The following RASGRF2 variants were observed in gnomAD, a reference collection of about 807,000 sequenced individuals.
RASGRF2 encodes the protein ras-specific guanine nucleotide-releasing factor 2.
A neutral mutation model predicts 151.0 loss-of-function variants in RASGRF2; 76 were observed. That is an observed-to-expected ratio of 0.50 (90% confidence interval 0.42 to 0.61). The LOEUF (loss-of-function observed/expected upper bound fraction) is 0.61. Among genes scored for constraint, RASGRF2 ranks in the 20% least tolerant of loss-of-function variants. The pLI is 0.00. For missense variants in RASGRF2, 1,148 were observed against 1,564.6 expected, an observed-to-expected ratio of 0.73 and a Z score of 4.49; for synonymous variants, 504 against 566.5, an observed-to-expected ratio of 0.89 and a Z score of 1.57.
At chr5:80,994,153 C>T (rs1748746358) in intron 1 of RASGRF2, among the ~76,000 whole-genome samples, 1 of 151,930 alleles carries the variant, frequency 6.6e-6, no homozygotes. Flanking sequence ...ATCACGAGGT[C>T]AGGAGATCGA....
At chr5:81,134,118 A>C (rs1246535238) in intron 17 of RASGRF2, among the ~76,000 whole-genome samples, 1 of 75,912 alleles carries the variant, frequency 1.3e-5, no homozygotes. Flanking sequence ...GTGAGTGAAT[A>C]TTTTACTGAG....
At chr5:81,114,941 G>A (rs141886244) in intron 15 of RASGRF2, 349 of 152,314 alleles carry the variant, frequency 2.3e-3, no homozygotes, top group African/African-American at 7.9e-3. Flanking sequence ...TCTCAGCTTG[G>A]TACGGTGTAG....
chr5:81,058,921 C>T (rs1247234090), intron 2 of RASGRF2, among the ~76,000 whole-genome samples: 1 of 151,528 alleles, frequency 6.6e-6, no homozygotes. Context: ...TTGACAATGA[C>T]ATTGAATCAT....
chr5:81,010,746 C>T (rs1362658085), intron 1 of RASGRF2, among the ~76,000 whole-genome samples: 1 of 151,726 alleles, frequency 6.6e-6, no homozygotes, highest in Non-Finnish European at 1.5e-5. Flanking sequence ...GAAAGAGGCC[C>T]AGCAAAACCA....
chr5:81,132,062 GT>G (rs1192271207), intron 17 of RASGRF2, among the ~76,000 whole-genome samples: 9 of 151,974 alleles, frequency 5.9e-5, no homozygotes, highest in African/African-American at 1.9e-4. Context: ...TCCTTGCTTT[GT>G]TTTTTTCCTC....
intron 10 of RASGRF2, among the ~76,000 whole-genome samples, 170 bp downstream of exon 10, chr5:81,093,131 AT>A (rs1481269882): frequency 2.0e-5 from 3 of 152,240 alleles, no homozygotes; most frequent in African/African-American, 4.8e-5. Flanking sequence ...ATTCGTTGTC[AT>A]TTAAATTCAA....
At chr5:81,196,419 T>C (rs977755761) in intron 18 of RASGRF2, among the ~76,000 whole-genome samples, 3 of 152,258 alleles carry the variant, frequency 2.0e-5, no homozygotes, top group African/African-American at 7.2e-5. Flanking sequence ...CTGATTTATA[T>C]CATCAGCAGC....
rs989594549 is a variant in RASGRF2 at position 81,228,342 on chromosome 5, G to A, written c.*2572G>A. 1.3e-5 allele frequency: 2 copies of A among 152,334 alleles called. No individual in the cohort carries two copies. The highest frequency in any genetic ancestry group is 4.1e-4 in the South Asian group (2 of 4,830). The allele number at this position is 152,334 out of a possible 1,614,324, so 9.4% of individuals were successfully genotyped here. A position where few individuals can be genotyped will look rare whatever the true frequency, so the allele number is the denominator to read the frequency against. The stretch of plus-strand genomic sequence containing the variant: ...TCTGTTGATGACCTGCACTATTCGT[G>A]TGCCAGCTGGGAGAGGAATGCACAT... On this transcript the variant is annotated 3_prime_UTR_variant, in exon 27 of 27. Coordinates refer to ENST00000265080, the MANE Select transcript of RASGRF2 (RefSeq NM_006909.3).
At position 81,226,564 on chromosome 5, in the gene RASGRF2, A is replaced by G. The variant is rs1388163164; in HGVS notation, c.*794A>G. 6.6e-6 allele frequency: 1 copy of G among 152,162 alleles called. No homozygotes were observed. Among genetic ancestry groups the G allele is most frequent in the Non-Finnish European group, 1.5e-5 (1 of 68,036 alleles). 9.4% of individuals were successfully genotyped at this position (152,162 alleles called of 1,614,324 possible). On this transcript the variant is annotated 3_prime_UTR_variant, in exon 27 of 27. Coordinates refer to ENST00000265080, the MANE Select transcript of RASGRF2 (RefSeq NM_006909.3). ...GGCAGCTGCAAAAAGGTGCACGCCC[A>G]TCTCACCGACAAAACTGTGGAACAG...
intron 1 of RASGRF2, among the ~76,000 whole-genome samples, chr5:80,974,393 C>T (rs1306134012): frequency 6.6e-6 from 1 of 152,242 alleles, no homozygotes; most frequent in Non-Finnish European, 1.5e-5. Context: ...GCACAGCTGA[C>T]ACTGAAGCTG....
intron 26 of RASGRF2, among the ~76,000 whole-genome samples, 173 bp from the exon 27 acceptor site, chr5:81,225,505 A>T (rs921303380): frequency 7.1e-6 from 1 of 141,098 alleles, no homozygotes; most frequent in Non-Finnish European, 1.5e-5. Flanking sequence ...AGGACTAGAG[A>T]TGTTCACCTT....
intron 12 of RASGRF2, among the ~76,000 whole-genome samples, chr5:81,096,967 G>GTT (rs1561202236): frequency 5.2e-3 from 260 of 50,028 alleles, no homozygotes; most frequent in African/African-American, 0.03. Context: ...TTGTTTGTTT[G>GTT]TGTTTTTTTT....
At chr5:81,095,894 TA>T (rs1228484014) in intron 12 of RASGRF2, among the ~76,000 whole-genome samples, 2 of 152,230 alleles carry the variant, frequency 1.3e-5, no homozygotes, top group Admixed American at 6.5e-5. Flanking sequence ...TAATCATTTT[TA>T]TTTGTCAAAG....
chr5:81,147,699 C>G (rs1307804149), intron 17 of RASGRF2, among the ~76,000 whole-genome samples: 3 of 152,184 alleles, frequency 2.0e-5, no homozygotes, highest in African/African-American at 7.2e-5. Flanking sequence ...TTAATTATGT[C>G]TAGCATTTGA....
intron 1 of RASGRF2, among the ~76,000 whole-genome samples, chr5:80,991,799 T>C (rs914542276): frequency 6.6e-6 from 1 of 152,238 alleles, no homozygotes; most frequent in African/African-American, 2.4e-5. Flanking sequence ...AAATGCTTTT[T>C]TGAGCACCTG....
intron 1 of RASGRF2, among the ~76,000 whole-genome samples, chr5:81,008,316 A>T (rs1185734649): frequency 1.3e-5 from 2 of 151,362 alleles, no homozygotes; most frequent in Non-Finnish European, 1.5e-5. Context: ...ACGCCCGGCT[A>T]ATTTTTGTAT....
At chr5:81,075,163 A>G (rs1751900170) in intron 5 of RASGRF2, among the ~76,000 whole-genome samples, 1 of 152,202 alleles carries the variant, frequency 6.6e-6, no homozygotes, top group Admixed American at 6.5e-5. Context: ...AGATGATTAT[A>G]ATGGAGGCAG....
chr5:81,082,184 G>T (rs373974279), intron 7 of RASGRF2, among the ~76,000 whole-genome samples: 1 of 152,166 alleles, frequency 6.6e-6, no homozygotes, highest in South Asian at 2.1e-4. Flanking sequence ...ACAGCCCCCT[G>T]ATGTCTTTCT....
At chr5:81,068,747 G>A (rs1751688447) in intron 3 of RASGRF2, among the ~76,000 whole-genome samples, 2 of 152,066 alleles carry the variant, frequency 1.3e-5, no homozygotes, top group South Asian at 4.2e-4. Context: ...CTCAGGCCTT[G>A]CATCCCCAGA....
Sources: allele counts gnomAD v4.1 joint callset (sites outside exome capture counted in the v4.1 genomes callset), GRCh38; gene constraint gnomAD v4.1.1; transcripts MANE v1.5; gene names NCBI Gene and HGNC (gene_info 2026-07-23, HGNC 2026-07-21).